The following GMIP variants were observed in gnomAD, a reference collection of about 807,000 sequenced individuals.
GMIP encodes GEM-interacting protein.
A neutral mutation model predicts 105.3 loss-of-function variants in GMIP; 54 were observed. The ratio of observed to expected loss-of-function variants is 0.51; its 90% confidence interval spans 0.41 to 0.64. The LOEUF is 0.64. Ranked by LOEUF, GMIP falls within the 30% of genes least tolerant of loss-of-function variation. The probability of loss-of-function intolerance (pLI) is 0.00; values close to 1 mark genes in which losing one functional copy is unlikely to be tolerated. For missense variants in GMIP, 1,110 were observed against 1,319.4 expected, an observed-to-expected ratio of 0.84 and a Z score of 2.46; for synonymous variants, 541 against 560.8, an observed-to-expected ratio of 0.96 and a Z score of 0.50.
In GMIP at chr19:19,636,780, A is replaced by G; in HGVS notation, c.1254T>C (p.Thr418=). The G allele has an allele frequency of 6.2e-7, 1 of 1,612,338 alleles. No individual in the cohort carries two copies. Among genetic ancestry groups the G allele is most frequent in the South Asian group, 1.1e-5 (1 of 90,884 alleles). The part of the protein sequence containing the change: ...GWRWQGTPGP[T]PGSDVDSVGG... ...CCACGCTGTCCACATCGCTGCCCGGAGTGGGGCCTGGAGTCCCTAGGTGGC... is the reference window on the plus strand; with the variant it reads ...CCACGCTGTCCACATCGCTGCCCGGGGTGGGGCCTGGAGTCCCTAGGTGGC... The change falls in exon 13 of 21, where the codon ACT becomes ACC. Residue 418 remains threonine (T), a synonymous_variant. Transcript: ENST00000203556.
chr19:19,635,328 C>A lies in GMIP; in HGVS notation c.1560+87G>T. 1 of 1,552,262 alleles carries A rather than the reference C, an allele frequency of 6.4e-7. No individual in the cohort carries two copies. Among genetic ancestry groups the A allele is most frequent in the Non-Finnish European group, 8.8e-7 (1 of 1,137,120 alleles). On this transcript the variant is annotated intron_variant, in intron 15 of 20. Transcript: ENST00000203556. This position sits in a 1 kb window ranked among gnomAD's most constrained non-coding sequence, Gnocchi z 4.7. ...GGGAGACATCAGGTTAGGGTGGGTCCCAGGGGCAGAAAGGCTGTAGGAATC... is the reference window on the plus strand; with the variant it reads ...GGGAGACATCAGGTTAGGGTGGGTCACAGGGGCAGAAAGGCTGTAGGAATC...
Position 19,637,895 on chromosome 19 carries a change from G to A in GMIP, c.927+25C>T. 6.3e-7 allele frequency: 1 copy of A among 1,580,242 alleles called. No individual in the cohort carries two copies. The highest frequency in any genetic ancestry group is 1.3e-5 in the African/African-American group (1 of 74,186). On this transcript the variant is annotated intron_variant, in intron 10 of 20. Coordinates refer to ENST00000203556, the MANE Select transcript of GMIP (RefSeq NM_016573.4). This position sits in a 1 kb window ranked among gnomAD's most constrained non-coding sequence, Gnocchi z 6.7. ...TCGGGGCCCCAACGGGGTGAGGGGA[G>A]GATGGCCTTGGGGATGGGCCTCACC...
chr19:19,640,116 G>A lies in GMIP; in HGVS notation c.506C>T (p.Thr169Ile), dbSNP rs143480494. ...GTAGTCTCTTTTCTGCTGGGCCACT[G>A]TCTCCATGGCCAGGGTTCCCAGGCT... is the stretch of plus-strand genomic sequence containing the variant. ...DLSLGTLAME[T>I]VAQQKRDYYQ... is the part of the protein sequence containing the mutation. Residue 169 changes from threonine to isoleucine, a missense_variant, in exon 7 of 21, where the codon ACA becomes ATA. Thr to Ile is a moderately conservative substitution (Grantham distance 89). Around this residue, in one of 3 missense-constraint regions of GMIP, gnomAD observed 667 missense variants for 773.2 expected, o/e 0.86. Coordinates refer to ENST00000203556, the MANE Select transcript of GMIP (RefSeq NM_016573.4). 3.2e-5 allele frequency: 52 copies of A among 1,612,836 alleles called. No individual in the cohort carries two copies. The highest frequency in any genetic ancestry group is 4.3e-5 in the Non-Finnish European group (51 of 1,178,966).
At chr19:19,631,736 C>T (rs1774368685) in intron 19 of GMIP, among the ~76,000 whole-genome samples, 1 of 152,152 alleles carries the variant, frequency 6.6e-6, no homozygotes, top group African/African-American at 2.4e-5. Flanking sequence ...GCCTGTAATC[C>T]CAGCACTTTG....
chr19:19,630,099 C>G lies in GMIP; in HGVS notation c.2777G>C (p.Arg926Pro). ...AAAATGCTTGGGCAGCGGGGTGCGGCGCAGGGGGCTGCCCTCAGGGGAGGC... is the reference window on the plus strand; with the variant it reads ...AAAATGCTTGGGCAGCGGGGTGCGGGGCAGGGGGCTGCCCTCAGGGGAGGC... ...AAASPEGSPL[R>P]RTPLPKHFEI... Residue 926 changes from arginine to proline, a missense_variant, in exon 21 of 21, where the codon CGC (arginine) becomes CCC (proline). By Grantham distance (103) the Arg-to-Pro change is moderately radical. Coordinates refer to ENST00000203556, the MANE Select transcript of GMIP (RefSeq NM_016573.4). The surrounding 1 kb of genome is among the most constrained non-coding windows in gnomAD (Gnocchi z 4.8). The G allele has an allele frequency of 6.2e-7, 1 of 1,610,436 alleles. No individual in the cohort carries two copies. The highest frequency in any genetic ancestry group is 8.5e-7 in the Non-Finnish European group (1 of 1,178,524).
At position 19,642,601 on chromosome 19, in the gene GMIP, T is replaced by C; in HGVS notation, c.38A>G (p.Glu13Gly). Residue 13 changes from glutamate to glycine, a missense_variant, in exon 2 of 21, where the codon GAG (glutamate) becomes GGG (glycine). Transcript: ENST00000203556. Reference sequence around the variant, plus strand: ...GATGTCACTGTACCTCTTCCTGCCCTCAGGACCTGGGGGGAGTCCTAGGGG... The same window carrying C: ...GATGTCACTGTACCTCTTCCTGCCCCCAGGACCTGGGGGGAGTCCTAGGGG... ...AAEPGLPPGP[E>G]GRKRYSDIFR... is the part of the protein sequence containing the mutation. The C allele has an allele frequency of 6.2e-7, 1 of 1,600,658 alleles. No individual in the cohort carries two copies.
In GMIP at chr19:19,638,219, C is replaced by G. The variant is rs199758418; in HGVS notation, c.729G>C (p.Ser243=). ...GSPEDSAPQA[S]PGPSKQQERR... The stretch of plus-strand genomic sequence containing the variant: ...GCTCCTGCTGCTTGCTAGGTCCCGG[C>G]GAGGCCTGGGGGGCCGAGTCCTCAG... The change falls in exon 9 of 21, where the codon TCG becomes TCC. Residue 243 remains serine (S), a synonymous_variant. Coordinates refer to ENST00000203556, the MANE Select transcript of GMIP (RefSeq NM_016573.4). The G allele has an allele frequency of 3.1e-6, 5 of 1,598,620 alleles. No individual in the cohort carries two copies. The African/African-American group carries it at 4.0e-5, about 13-fold the overall frequency.
At position 19,634,934 on chromosome 19, in the gene GMIP, A is replaced by G. The variant is rs1345321854; in HGVS notation, c.1750-5T>C. 6.2e-7 allele frequency: 1 copy of G among 1,613,826 alleles called. No homozygotes were observed. The highest frequency in any genetic ancestry group is 8.5e-7 in the Non-Finnish European group (1 of 1,179,996). ...CCCGCTGACCCGGTAAATGCCCTGC[A>G]GGGTGAGGGTGAAAAACAGACACCT... On this transcript the variant is annotated splice_polypyrimidine_tract_variant and splice_region_variant and intron_variant, in intron 16 of 20. Transcript: ENST00000203556. This position sits in a 1 kb window ranked among gnomAD's most constrained non-coding sequence, Gnocchi z 6.1.
Position 19,635,868 on chromosome 19 carries a change from G to A in GMIP, c.1328-147C>T, listed in dbSNP as rs2061849086. The A allele has an allele frequency of 4.4e-6, 3 of 678,830 alleles. No individual in the cohort carries two copies. The highest frequency in any genetic ancestry group is 3.3e-5 in the South Asian group (2 of 60,190). The allele number at this position is 678,830 out of a possible 1,614,324, so 42.1% of individuals were successfully genotyped here. ...CAGTGGTTAAGGGTTGGAGAATTGG[G>A]TCAGCAACCTGAGGGGGGTGGTTCA... On this transcript the variant is annotated intron_variant, in intron 13 of 20. Transcript: ENST00000203556. The surrounding 1 kb of genome is among the most constrained non-coding windows in gnomAD (Gnocchi z 4.7).
intron 7 of GMIP, 55 bp downstream of exon 7, chr19:19,640,030 A>T: frequency 9.9e-7 from 1 of 1,012,232 alleles, no homozygotes; most frequent in Non-Finnish European, 1.6e-6. Context: ...ATCAGGCCTG[A>T]AGGACAGCAG....
Position 19,637,498 on chromosome 19 carries a change from C to T in GMIP, c.991G>A (p.Ala331Thr). 1 of 1,540,122 alleles carries T rather than the reference C, an allele frequency of 6.5e-7. No homozygotes were observed. The change falls in exon 11 of 21, where the codon GCC becomes ACC. Residue 331 changes from alanine (A) to threonine (T), a missense_variant. Ala to Thr is a moderately conservative substitution (Grantham distance 58, BLOSUM62 0). Transcript: ENST00000203556. This position sits in a 1 kb window ranked among gnomAD's most constrained non-coding sequence, Gnocchi z 6.7. ...QAERGPRAFA[A>T]LAECCAPFEP... Reference sequence around the variant, plus strand: ...AAGGGCGCACAGCACTCGGCCAGGGCGGCGAAGGCGCGGGGGCCACGCTCT... The same window carrying T: ...AAGGGCGCACAGCACTCGGCCAGGGTGGCGAAGGCGCGGGGGCCACGCTCT...
chr19:19,636,982 C>A lies in GMIP; in HGVS notation c.1172G>T (p.Arg391Met). Reference protein sequence around the residue: ...RKKLSGPLPPRLDENSAEPGP... With the variant: ...RKKLSGPLPPMLDENSAEPGP... ...TGGCTCAGCTGAATTCTCATCCAGC[C>A]TTGGAGGAAGAGGCCCAGAGAGCTT... The change falls in exon 12 of 21, where the codon AGG becomes ATG. Residue 391 changes from arginine (R) to methionine (M), a missense_variant. Around this residue, in one of 3 missense-constraint regions of GMIP, gnomAD observed 667 missense variants for 773.2 expected, o/e 0.86. Transcript: ENST00000203556. The A allele has an allele frequency of 6.3e-7, 1 of 1,584,312 alleles. No homozygotes were observed. Among genetic ancestry groups the A allele is most frequent in the Non-Finnish European group, 8.6e-7 (1 of 1,164,316 alleles).
Position 19,637,710 on chromosome 19 carries a change from G to C in GMIP, c.928-149C>G, listed in dbSNP as rs545373080. On this transcript the variant is annotated intron_variant, in intron 10 of 20. Coordinates refer to ENST00000203556, the MANE Select transcript of GMIP (RefSeq NM_016573.4). This position sits in a 1 kb window ranked among gnomAD's most constrained non-coding sequence, Gnocchi z 6.7. ...TAGGAACTAGGGCAGTCGGCCAGGG[G>C]ACCCAGGCATGGTCAGAGCAGGGGC... 6 of 829,466 alleles carry C rather than the reference G, an allele frequency of 7.2e-6. No individual in the cohort carries two copies. In the East Asian group the frequency reaches 1.1e-4, roughly 16 times the overall value. The allele number at this position is 829,466 out of a possible 1,614,324, so 51.4% of individuals were successfully genotyped here.
intron 19 of GMIP, among the ~76,000 whole-genome samples, chr19:19,632,351 G>A (rs773112153): frequency 7.9e-5 from 12 of 152,096 alleles, no homozygotes; most frequent in Non-Finnish European, 1.6e-4. Flanking sequence ...TATAATCCCA[G>A]CACTTTGGGA....
intron 19 of GMIP, 87 bp downstream of exon 19, chr19:19,633,716 T>A: frequency 9.6e-7 from 1 of 1,045,936 alleles, no homozygotes; most frequent in Non-Finnish European, 1.3e-6. Context: ...AAGGAAATTT[T>A]AAAAAGGAAG....
Position 19,640,085 on chromosome 19 carries a change from C to G in GMIP, c.537G>C (p.Gln179His), listed in dbSNP as rs557323687. The G allele has an allele frequency of 7.5e-5, 119 of 1,576,644 alleles. No homozygotes were observed. In the South Asian group the frequency reaches 1.2e-3, roughly 16 times the overall value. ...TVAQQKRDYY[Q>H]PLAAKRTEIE... The stretch of plus-strand genomic sequence containing the variant: ...TAACATTCCACCCTGCCCCCCTCAC[C>G]TGGTAGTAGTCTCTTTTCTGCTGGG... The change falls in exon 7 of 21, where the codon CAG becomes CAC. Residue 179 changes from glutamine to histidine, a missense_variant and splice_region_variant. Physicochemically the swap from Gln to His is conservative, Grantham distance 24 (BLOSUM62 0). This residue lies in a region of GMIP where 667 missense variants were observed against 773.2 expected (regional missense o/e 0.86). Coordinates refer to ENST00000203556, the MANE Select transcript of GMIP (RefSeq NM_016573.4).
chr19:19,636,317 G>A (rs1244740130), intron 13 of GMIP, among the ~76,000 whole-genome samples: 5 of 152,010 alleles, frequency 3.3e-5, no homozygotes, highest in African/African-American at 1.2e-4. Context: ...GAGGTCAGGA[G>A]TTCGAGATCA....
rs187571867 is a variant in GMIP at position 19,630,145 on chromosome 19, G to A, written c.2731C>T (p.Arg911Trp). The A allele has an allele frequency of 7.5e-6, 12 of 1,603,470 alleles. No homozygotes were observed. The highest frequency in any genetic ancestry group is 1.3e-5 in the African/African-American group (1 of 74,748). Residue 911 changes from arginine to tryptophan, a missense_variant, in exon 21 of 21, where the codon CGG becomes TGG. Physicochemically the swap from Arg to Trp is moderately radical, Grantham distance 101. Around this residue, in one of 3 missense-constraint regions of GMIP, gnomAD observed 394 missense variants for 450.5 expected, o/e 0.87. Coordinates refer to ENST00000203556, the MANE Select transcript of GMIP (RefSeq NM_016573.4). This position sits in a 1 kb window ranked among gnomAD's most constrained non-coding sequence, Gnocchi z 4.8. ...GAGGCAGCTGCAGGGCTGGGCCCCC[G>A]CCCCCGCAAACTCCCTCTGGGCACT... ...TSVPRGSLRG[R>W]GPSPAAASPE... is the part of the protein sequence containing the mutation.
At position 19,629,893 on chromosome 19, in the gene GMIP, G is replaced by T; in HGVS notation, c.*70C>A. The T allele has an allele frequency of 6.9e-7, 1 of 1,457,330 alleles. No homozygotes were observed. The highest frequency in any genetic ancestry group is 9.3e-7 in the Non-Finnish European group (1 of 1,079,374). The allele number at this position is 1,457,330 out of a possible 1,614,324, so 90.3% of individuals were successfully genotyped here. ...TGGCGGGGTGTTTGGCCACTAGGTG[G>T]TGGGAGGTAGGGATATATGGGTCCG... On this transcript the variant is annotated 3_prime_UTR_variant, in exon 21 of 21. Coordinates refer to ENST00000203556, the MANE Select transcript of GMIP (RefSeq NM_016573.4).
Sources: gnomAD v4.1 joint callset for allele counts (sites outside exome capture counted in the v4.1 genomes callset) on GRCh38, gnomAD v4.1.1 for gene constraint, gnomAD v4.1.1 regional missense constraint, Gnocchi (gnomAD v3.1) non-coding constraint, MANE v1.5 for transcripts, NCBI Gene and HGNC (gene_info 2026-07-23, HGNC 2026-07-21) for gene names.